The following MYO15B variants were observed in gnomAD, a reference collection of about 807,000 sequenced individuals.
MYO15B encodes myosin XVB.
In MYO15B, 207 loss-of-function variants were observed where a neutral mutation model predicts 119.3. The observed-to-expected ratio is 1.73, with a 90% CI of 1.55 to 1.95. MYO15B has a LOEUF of 1.95. Ranked by LOEUF, MYO15B falls within the 30% of genes most tolerant of loss-of-function variation. The pLI, the probability that MYO15B is intolerant of heterozygous loss-of-function variation, is 0.00. For missense variants in MYO15B, 2,264 were observed against 1,203.1 expected (o/e 1.88, Z -13.04); for synonymous variants, 966 against 498.9 (o/e 1.94, Z -12.48).
intron 13 of MYO15B, 51 bp from the exon 14 acceptor site, chr17:75,596,717 G>A (rs542358765): frequency 2.9e-6 from 2 of 681,112 alleles, no homozygotes; most frequent in African/African-American, 1.8e-5. Flanking sequence ...TCTATAAGAT[G>A]GGAGGGTTAT....
At position 75,620,419 on chromosome 17, in the gene MYO15B, G is replaced by A. The variant is rs3809689; in HGVS notation, c.7556-48G>A. 1.7e-5 allele frequency: 12 copies of A among 702,532 alleles called. No homozygotes were observed. The East Asian group carries it at 2.7e-4, about 16-fold the overall frequency. The allele number at this position is 702,532 out of a possible 1,614,324, so 43.5% of individuals were successfully genotyped here. On this transcript the variant is annotated intron_variant, in intron 48 of 63. Coordinates refer to ENST00000645453, the Ensembl canonical transcript of MYO15B. ...GGCATCCACTTGGCAGAGGCTGCCC[G>A]GGGGCAGAGGGTCCAGTGGGTGAGC...
At chr17:75,603,155 CCA>C in intron 18 of MYO15B, 31 bp from the exon 19 acceptor site, 1 of 703,216 alleles carries the variant, frequency 1.4e-6, no homozygotes, top group Non-Finnish European at 2.6e-6. Context: ...CCCCTTGACT[CCA>C]GCTGTCTTTG....
intron 25 of MYO15B, 68 bp downstream of exon 25, chr17:75,612,084 G>T: frequency 1.5e-6 from 1 of 679,522 alleles, no homozygotes; most frequent in Non-Finnish European, 2.7e-6. Flanking sequence ...CCTGACAGAT[G>T]CTGCGTTTTT....
chr17:75,591,436 TTC>T, intron 4 of MYO15B, 163 bp from the exon 5 acceptor site: 1 of 616,982 alleles, frequency 1.6e-6, no homozygotes, highest in Non-Finnish European at 2.9e-6. Flanking sequence ...TGGGGACTTT[TTC>T]TTTTCTGTCG....
At chr17:75,593,398 G>A (rs1431175068) in intron 9 of MYO15B, among the ~76,000 whole-genome samples, 1 of 152,012 alleles carries the variant, frequency 6.6e-6, no homozygotes, top group Non-Finnish European at 1.5e-5. Context: ...AGGAGTTTGA[G>A]ACCAGCCTGG....
chr17:75,624,807 T>TCAA lies in MYO15B; in HGVS notation c.8582_8584dup (p.Asn2861dup), dbSNP rs775323759. 5.5e-5 allele frequency: 39 copies of TCAA among 702,770 alleles called. No individual in the cohort carries two copies. In the South Asian group the frequency reaches 5.6e-4, roughly 10 times the overall value. The allele number at this position is 702,770 out of a possible 1,614,324, so 43.5% of individuals were successfully genotyped here. ...CGGCCCCTGCAGCCCGCCGAATACC[T>TCAA]CAACAGCGTGGTAGTGGACCAGGAC... On this transcript the variant is annotated inframe_insertion, in exon 59 of 64. Coordinates refer to ENST00000645453, the Ensembl canonical transcript of MYO15B.
exon 1 of MYO15B, chr17:75,588,903 G>A (rs957697497): frequency 7.5e-5 from 30 of 398,312 alleles, no homozygotes; most frequent in Non-Finnish European, 1.2e-4. Flanking sequence ...GCGACAACCG[G>A]GCGCAGCGGG....
At position 75,625,509 on chromosome 17, in the gene MYO15B, CCTG is replaced by C. The variant is rs763523137; in HGVS notation, c.8805-17_8805-15del. 2.3e-5 allele frequency: 16 copies of C among 702,978 alleles called. No individual in the cohort carries two copies. The South Asian group carries it at 2.4e-4, about 10-fold the overall frequency. The allele number at this position is 702,978 out of a possible 1,614,324, so 43.5% of individuals were successfully genotyped here. ...CCAGGTGGTCAGGGGCCAAACTGAC[CCTG>C]GTCACACATCCTAGGCAGGACCTGC... is the stretch of plus-strand genomic sequence containing the variant. On this transcript the variant is annotated splice_polypyrimidine_tract_variant and intron_variant, in intron 60 of 63. Transcript: ENST00000645453.
At chr17:75,593,494 A>G (rs59338922) in intron 9 of MYO15B, among the ~76,000 whole-genome samples, 8,231 of 152,004 alleles carry the variant, frequency 0.054, 729 homozygotes, top group African/African-American at 0.18. Context: ...GGCACATCCC[A>G]GCTACTTAGA....
rs756580226 is a variant in MYO15B, at chr17:75,606,032, G to A, written c.4292+11G>A. 83 of 679,864 alleles carry A rather than the reference G, an allele frequency of 1.2e-4. No individual in the cohort carries two copies. Among genetic ancestry groups the A allele is most frequent in the Non-Finnish European group, 1.9e-4 (71 of 369,538 alleles). 42.1% of individuals were successfully genotyped at this position (679,864 alleles called of 1,614,324 possible). ...TGGGTTCCAGGCCAGGTCTGCAGGC[G>A]TTGGAGCCAGGGCTGAAGTGGGTGG... On this transcript the variant is annotated intron_variant, in intron 21 of 63. Coordinates refer to ENST00000645453, the Ensembl canonical transcript of MYO15B.
intron 53 of MYO15B, 93 bp from the exon 54 acceptor site, chr17:75,623,688 C>T (rs2148143386): frequency 1.5e-6 from 1 of 676,954 alleles, no homozygotes; most frequent in African/African-American, 1.8e-5. Context: ...TGAGCCAGCC[C>T]CAGCCCATGG....
exon 24 of MYO15B, chr17:75,611,636 C>T (rs148285244): frequency 2.0e-4 from 142 of 702,804 alleles, no homozygotes; most frequent in South Asian, 1.9e-3. Context: ...CTGAGCTGGC[C>T]GTCATGCTGA....
exon 36 of MYO15B, chr17:75,615,751 G>A (rs934759800): frequency 1.9e-5 from 13 of 700,860 alleles, no homozygotes; most frequent in Non-Finnish European, 2.9e-5. Flanking sequence ...ATGCAGCAGC[G>A]GCAGCAGCAG....
chr17:75,605,430 C>G (rs1052342092), intron 19 of MYO15B, 74 bp from the exon 20 acceptor site: 1 of 587,390 alleles, frequency 1.7e-6, no homozygotes, highest in Non-Finnish European at 3.0e-6. Flanking sequence ...GAGCGAGACT[C>G]CGTCTTAAAA....
rs986218984 is a variant in MYO15B at position 75,625,331 on chromosome 17, C to T, written c.8804+93C>T. 7.8e-6 allele frequency: 5 copies of T among 642,718 alleles called. No homozygotes were observed. The African/African-American group carries it at 8.9e-5, about 11-fold the overall frequency. The allele number at this position is 642,718 out of a possible 1,614,324, so 39.8% of individuals were successfully genotyped here. A position where few individuals can be genotyped will look rare whatever the true frequency, so the allele number is the denominator to read the frequency against. On this transcript the variant is annotated intron_variant, in intron 60 of 63. Transcript: ENST00000645453. ...CCCTTCCTGGCCCTAAATGGACTGG[C>T]CAGGAGCAGCGGGGCCTGTGAACAT...
rs1170968894 is a variant in MYO15B at position 75,602,544 on chromosome 17, G to A, written c.3679G>A (p.Asp1227Asn). ...TCACAAGTTTTTAAACAGAAACCGG[G>A]ATCAGCTGGACCCTGCTGTGGTGGA... Residue 1227 changes from aspartate to asparagine, a missense_variant, in exon 16 of 64, where the codon GAT (aspartate) becomes AAT (asparagine). Physicochemically the swap from Asp to Asn is conservative, Grantham distance 23. Coordinates refer to ENST00000645453, the Ensembl canonical transcript of MYO15B. 7.1e-6 allele frequency: 5 copies of A among 699,960 alleles called. No homozygotes were observed. In the Admixed American group the frequency reaches 8.0e-5, roughly 11 times the overall value. 43.4% of individuals were successfully genotyped at this position (699,960 alleles called of 1,614,324 possible). A position where few individuals can be genotyped will look rare whatever the true frequency, so the allele number is the denominator to read the frequency against.
chr17:75,611,691 CCTT>C (rs1358045569), intron 24 of MYO15B, 33 bp downstream of exon 24: 7 of 702,596 alleles, frequency 1.0e-5, no homozygotes, highest in Admixed American at 2.0e-5. Flanking sequence ...TGTTAGGACT[CCTT>C]CTCCAGTCCC....
At chr17:75,593,580 A>C (rs1422756991) in intron 9 of MYO15B, among the ~76,000 whole-genome samples, 1 of 151,144 alleles carries the variant, frequency 6.6e-6, no homozygotes, top group African/African-American at 2.4e-5. Context: ...ACTGTACTCC[A>C]TCCAGCCTAG....
At chr17:75,592,998 A>T in intron 9 of MYO15B, 158 bp downstream of exon 9, 2 of 574,414 alleles carry the variant, frequency 3.5e-6, no homozygotes, top group Non-Finnish European at 6.2e-6. Context: ...AAGCTGAGAC[A>T]TAGAGCTTCT....
Sources: gnomAD v4.1 joint callset for allele counts (sites outside exome capture counted in the v4.1 genomes callset) on GRCh38, gnomAD v4.1.1 for gene constraint, MANE v1.5 for transcripts, NCBI Gene and HGNC (gene_info 2026-07-23, HGNC 2026-07-21) for gene names.